Variants in SH3GLB1 observed in about 807,000 individuals in gnomAD.
SH3GLB1 encodes the protein SH3 domain containing GRB2 like, endophilin B1.
SH3GLB1 carries 17 observed loss-of-function variants against 42.0 expected under a neutral mutation model. The observed-to-expected ratio is 0.40, with a 90% CI of 0.28 to 0.61. SH3GLB1 has a LOEUF of 0.61. SH3GLB1 is among the 20% of genes least tolerant of loss of function. SH3GLB1 has a pLI of 0.36. For synonymous variants in SH3GLB1, 132 were observed against 146.6 expected (o/e 0.90, Z 0.72); for missense variants, 355 against 426.3 (o/e 0.83, Z 1.47).
At chr1:86,725,863 A>C (rs1406182254) in intron 5 of SH3GLB1, among the ~76,000 whole-genome samples, 1 of 152,114 alleles carries the variant, frequency 6.6e-6, no homozygotes, top group Non-Finnish European at 1.5e-5. Context: ...TGTATTAGTT[A>C]CTGCTAGAGA....
At chr1:86,708,128 A>C (rs752927392) in intron 1 of SH3GLB1, among the ~76,000 whole-genome samples, 1 of 152,224 alleles carries the variant, frequency 6.6e-6, no homozygotes, top group Non-Finnish European at 1.5e-5. Context: ...GAAAAAAAGG[A>C]TGCTTCTAAA....
intron 3 of SH3GLB1, among the ~76,000 whole-genome samples, chr1:86,721,119 T>G (rs1430427851): frequency 6.6e-6 from 1 of 152,188 alleles, no homozygotes. Context: ...TTTCTTCCCT[T>G]TTAAATCTGC....
At chr1:86,740,484 A>G (rs971561811) in intron 7 of SH3GLB1, among the ~76,000 whole-genome samples, 21 of 152,264 alleles carry the variant, frequency 1.4e-4, no homozygotes, top group African/African-American at 5.1e-4. Context: ...AGTGAGTGGC[A>G]TAAGAAATGA....
intron 1 of SH3GLB1, among the ~76,000 whole-genome samples, chr1:86,709,700 TAGGG>T (rs1345915470): frequency 6.6e-6 from 1 of 152,206 alleles, no homozygotes; most frequent in Non-Finnish European, 1.5e-5. Context: ...TCAAATTACT[TAGGG>T]AGGGAGTTCA....
At chr1:86,721,427 G>A (rs1051698866) in intron 3 of SH3GLB1, among the ~76,000 whole-genome samples, 30 of 152,150 alleles carry the variant, frequency 2.0e-4, no homozygotes, top group Middle Eastern at 3.4e-3. Flanking sequence ...ATCCAGTGAC[G>A]GAGCTCTTAA....
chr1:86,718,035 C>A (rs1654644173), intron 2 of SH3GLB1, among the ~76,000 whole-genome samples: 1 of 148,980 alleles, frequency 6.7e-6, no homozygotes, highest in South Asian at 2.1e-4. Flanking sequence ...AGTCAAAACA[C>A]AAAGCTGTTT....
At position 86,724,330 on chromosome 1, in the gene SH3GLB1, G is replaced by T; in HGVS notation, c.495G>T (p.Leu165Phe). ...YKTIAKERKLLQNKRLDLDAA... is the reference protein window; with the variant it reads ...YKTIAKERKLFQNKRLDLDAA... ...ATTTATAGAAAGAAAGGAAACTATT[G>T]CAAAATAAGAGACTGGATTTGGATG... The change falls in exon 5 of 9, where the codon TTG (leucine) becomes TTT (phenylalanine). Residue 165 changes from leucine (L) to phenylalanine (F), a missense_variant. By Grantham distance (22) the Leu-to-Phe change is conservative (BLOSUM62 0). Coordinates refer to ENST00000370558, the MANE Select transcript of SH3GLB1 (RefSeq NM_016009.5). 6.3e-7 allele frequency: 1 copy of T among 1,587,290 alleles called. No homozygotes were observed. The highest frequency in any genetic ancestry group is 8.5e-7 in the Non-Finnish European group (1 of 1,171,914).
At position 86,744,997 on chromosome 1, in the gene SH3GLB1, A is replaced by G. The variant is rs1402321266; in HGVS notation, c.*1762A>G. 1.3e-5 allele frequency: 2 copies of G among 152,228 alleles called. No individual in the cohort carries two copies. The highest frequency in any genetic ancestry group is 2.1e-4 in the South Asian group (1 of 4,838). The allele number at this position is 152,228 out of a possible 1,614,324, so 9.4% of individuals were successfully genotyped here. On this transcript the variant is annotated 3_prime_UTR_variant, in exon 9 of 9. Transcript: ENST00000370558. ...CCTCAGAAAGGAAGTTCTACAGCCT[A>G]GAGTACCATCTATTGTGTTTTATAA...
At chr1:86,722,715 GATAT>G (rs755460901) in intron 4 of SH3GLB1, 42 bp downstream of exon 4, 13 of 1,504,796 alleles carry the variant, frequency 8.6e-6, no homozygotes, top group Middle Eastern at 2.2e-4. Flanking sequence ...AAATCATTTA[GATAT>G]ATATACTTTT....
chr1:86,715,396 T>C (rs965211436), intron 1 of SH3GLB1, among the ~76,000 whole-genome samples: 2 of 152,194 alleles, frequency 1.3e-5, no homozygotes, highest in Non-Finnish European at 2.9e-5. Context: ...TTTACCGTTA[T>C]CCTAGTCTAC....
intron 2 of SH3GLB1, 72 bp from the exon 3 acceptor site, chr1:86,719,435 T>A: frequency 7.2e-7 from 1 of 1,385,458 alleles, no homozygotes; most frequent in South Asian, 1.4e-5. Context: ...TGGCTGCTGA[T>A]GGGGGAAAAA....
intron 2 of SH3GLB1, among the ~76,000 whole-genome samples, chr1:86,718,134 G>A (rs1015645497): frequency 6.6e-6 from 1 of 151,858 alleles, no homozygotes; most frequent in Non-Finnish European, 1.5e-5. Flanking sequence ...CTGCCTCCTG[G>A]GTTCAAGTGA....
chr1:86,731,161 A>C (rs549114548), intron 5 of SH3GLB1, among the ~76,000 whole-genome samples: 1 of 152,200 alleles, frequency 6.6e-6, no homozygotes, highest in Admixed American at 6.5e-5. Flanking sequence ...ATTATAAACT[A>C]TAGTACATGC....
intron 5 of SH3GLB1, chr1:86,730,385 A>C (rs77476539): frequency 1.0e-6 from 1 of 985,058 alleles, no homozygotes; most frequent in South Asian, 4.7e-5. Flanking sequence ...CTTACTATAG[A>C]AGGCAGGCGA....
intron 5 of SH3GLB1, chr1:86,730,107 C>A: frequency 1.3e-6 from 2 of 1,594,016 alleles, no homozygotes; most frequent in Non-Finnish European, 1.7e-6. Context: ...GAGGAGGTGA[C>A]AAAAGTAAGT....
chr1:86,733,060 C>T (rs1655594269), intron 5 of SH3GLB1, among the ~76,000 whole-genome samples: 1 of 152,012 alleles, frequency 6.6e-6, no homozygotes, highest in Non-Finnish European at 1.5e-5. Context: ...ATTGGTTTTC[C>T]TTAGTGCTCT....
Position 86,748,155 on chromosome 1 carries a change from A to G in SH3GLB1, c.*4920A>G, listed in dbSNP as rs1452041376. On this transcript the variant is annotated 3_prime_UTR_variant, in exon 9 of 9. Transcript: ENST00000370558. ...CTACTGTTCAATTTTTAGGTTTCCA[A>G]CTTTCATTAATAAAGTGCTTTAAAG... 6.6e-6 allele frequency: 1 copy of G among 151,698 alleles called. No individual in the cohort carries two copies. The highest frequency in any genetic ancestry group is 6.6e-5 in the Admixed American group (1 of 15,144). 9.4% of individuals were successfully genotyped at this position (151,698 alleles called of 1,614,324 possible).
chr1:86,731,655 A>G (rs944076943), intron 5 of SH3GLB1, among the ~76,000 whole-genome samples: 1 of 152,204 alleles, frequency 6.6e-6, no homozygotes, highest in African/African-American at 2.4e-5. Context: ...GAAATAATTG[A>G]TACAATACAT....
chr1:86,718,934 A>G (rs1654707571), intron 2 of SH3GLB1, among the ~76,000 whole-genome samples: 1 of 152,214 alleles, frequency 6.6e-6, no homozygotes, highest in Non-Finnish European at 1.5e-5. Context: ...ACATAAACTA[A>G]AGCCAAGGCA....
Sources: gnomAD v4.1 joint callset for allele counts (sites outside exome capture counted in the v4.1 genomes callset) on GRCh38, gnomAD v4.1.1 for gene constraint, MANE v1.5 for transcripts, NCBI Gene and HGNC (gene_info 2026-07-23, HGNC 2026-07-21) for gene names.